WWOX: variants seen among roughly 807,000 people sequenced by gnomAD.
WWOX encodes the protein WW domain containing oxidoreductase.
Under a neutral mutation model 46.2 loss-of-function variants are expected in WWOX, and 69 were observed. The ratio of observed to expected loss-of-function variants is 1.49; its 90% CI spans 1.23 to 1.82. WWOX has a LOEUF of 1.82. Ranked by LOEUF, WWOX falls within the 40% of genes most tolerant of loss-of-function variation. The probability of loss-of-function intolerance (pLI) is 0.00; values close to 1 mark genes in which losing one functional copy is unlikely to be tolerated. For missense variants in WWOX, 919 were observed against 542.6 expected, an observed-to-expected ratio of 1.69 and a Z score of -6.89; for synonymous variants, 359 against 202.6, an observed-to-expected ratio of 1.77 and a Z score of -6.56.
chr16:78,765,650 G>C (rs1046013860), intron 8 of WWOX, among the ~76,000 whole-genome samples: 3 of 152,096 alleles, frequency 2.0e-5, no homozygotes, highest in Admixed American at 6.6e-5. Flanking sequence ...CTGCACTGCA[G>C]CTTGGGAAAC....
chr16:78,409,188 T>G (rs1424346065), intron 6 of WWOX, among the ~76,000 whole-genome samples: 1 of 152,186 alleles, frequency 6.6e-6, no homozygotes, highest in Non-Finnish European at 1.5e-5. Flanking sequence ...CAGAAAGTCC[T>G]ATTGGTTTAA....
intron 4 of WWOX, among the ~76,000 whole-genome samples, chr16:78,133,712 T>C (rs1040991949): frequency 6.6e-6 from 1 of 152,180 alleles, no homozygotes; most frequent in Admixed American, 6.5e-5. Context: ...AATTTCAAAT[T>C]AACCCCTGAG....
At chr16:78,829,449 T>A (rs114291108) in intron 8 of WWOX, among the ~76,000 whole-genome samples, 265 of 152,310 alleles carry the variant, frequency 1.7e-3, no homozygotes, top group African/African-American at 6.2e-3. Flanking sequence ...GTCTACTGAT[T>A]CAAAGGTTAG....
chr16:78,441,250 C>G (rs567282210), intron 8 of WWOX, among the ~76,000 whole-genome samples: 52 of 152,252 alleles, frequency 3.4e-4, no homozygotes, highest in Middle Eastern at 6.8e-3. Flanking sequence ...GTCTGTCCCC[C>G]CTTCTCTTGA....
intron 8 of WWOX, among the ~76,000 whole-genome samples, chr16:78,643,301 A>C (rs930113112): frequency 8.5e-5 from 13 of 152,218 alleles, no homozygotes; most frequent in African/African-American, 3.1e-4. Context: ...TATTTGGCTA[A>C]CGAAAACAAC....
chr16:78,893,147 CAG>C (rs2044627092), intron 8 of WWOX, among the ~76,000 whole-genome samples: 1 of 151,114 alleles, frequency 6.6e-6, no homozygotes, highest in Non-Finnish European at 1.5e-5. Flanking sequence ...TCCAGGCTGA[CAG>C]GGTCACAAAG....
At chr16:79,047,149 C>A (rs2048080653) in intron 8 of WWOX, among the ~76,000 whole-genome samples, 1 of 152,168 alleles carries the variant, frequency 6.6e-6, no homozygotes, top group Non-Finnish European at 1.5e-5. Context: ...TTTATTCTTT[C>A]ATTCAGTCAA....
chr16:79,105,235 T>A (rs1310166427), intron 8 of WWOX, among the ~76,000 whole-genome samples: 1 of 152,154 alleles, frequency 6.6e-6, no homozygotes, highest in Non-Finnish European at 1.5e-5. Flanking sequence ...CTGCTATTGT[T>A]TTGAATCATT....
At chr16:79,015,322 C>T (rs1039512859) in intron 8 of WWOX, among the ~76,000 whole-genome samples, 32 of 152,152 alleles carry the variant, frequency 2.1e-4, no homozygotes, top group African/African-American at 5.8e-4. Flanking sequence ...AACAGAATTC[C>T]AGTGCCACCA....
intron 5 of WWOX, among the ~76,000 whole-genome samples, chr16:78,241,465 G>T (rs1412517126): frequency 6.6e-6 from 1 of 151,978 alleles, no homozygotes; most frequent in Non-Finnish European, 1.5e-5. Context: ...TTTTACTCTT[G>T]TCACCCAGGC....
chr16:78,597,771 T>G (rs1202764499), intron 8 of WWOX, among the ~76,000 whole-genome samples: 1 of 147,532 alleles, frequency 6.8e-6, no homozygotes, highest in Non-Finnish European at 1.5e-5. Context: ...TATATATATA[T>G]ATATATATAA....
At chr16:78,676,362 G>C (rs901425177) in intron 8 of WWOX, among the ~76,000 whole-genome samples, 3 of 151,252 alleles carry the variant, frequency 2.0e-5, no homozygotes, top group African/African-American at 7.3e-5. Flanking sequence ...TGTCACTTAG[G>C]CCTTGGTAGC....
rs530040232 is a variant in WWOX at position 79,210,522 on chromosome 16, G to A, written c.1057-1086G>A. ...GTTCCTTAGTGTTTTCCTTGTGGGG[G>A]CGAGCTTATCTTCAGTTACCTTTTC... is the stretch of plus-strand genomic sequence containing the variant. On this transcript the variant is annotated intron_variant, in intron 8 of 8. Coordinates refer to ENST00000566780, the MANE Select transcript of WWOX (RefSeq NM_016373.4). 2.6e-5 allele frequency among the ~76,000 whole-genome samples: 4 copies of A among 152,216 alleles called. 1 individual carries two copies. Among genetic ancestry groups the A allele is most frequent in the African/African-American group, 9.6e-5 (4 of 41,530 alleles).
intron 5 of WWOX, among the ~76,000 whole-genome samples, chr16:78,180,481 G>A (rs2035496257): frequency 6.6e-6 from 1 of 151,982 alleles, no homozygotes; most frequent in Admixed American, 6.6e-5. Flanking sequence ...CCGAGATATG[G>A]GGTATACATG....
chr16:78,814,202 C>G (rs182675951), intron 8 of WWOX, among the ~76,000 whole-genome samples: 9 of 152,240 alleles, frequency 5.9e-5, no homozygotes, highest in East Asian at 3.9e-4. Context: ...ATTCTGTCTT[C>G]TAGAGAATTT....
chr16:78,377,983 A>G (rs1388909160), intron 5 of WWOX, among the ~76,000 whole-genome samples: 1 of 151,762 alleles, frequency 6.6e-6, no homozygotes, highest in South Asian at 2.1e-4. Context: ...ATGTTTGTGT[A>G]TTTTGGCAGG....
At chr16:78,827,305 A>C (rs149914602) in intron 8 of WWOX, among the ~76,000 whole-genome samples, 2 of 152,118 alleles carry the variant, frequency 1.3e-5, no homozygotes, top group Admixed American at 6.5e-5. Flanking sequence ...GATGACATCA[A>C]AGCACCATGT....
intron 8 of WWOX, among the ~76,000 whole-genome samples, chr16:78,881,178 T>C (rs1004730146): frequency 6.6e-6 from 1 of 151,784 alleles, no homozygotes; most frequent in Non-Finnish European, 1.5e-5. Context: ...GTTGTTGTAT[T>C]TTTTGGTACA....
chr16:78,323,583 G>A (rs548039108), intron 5 of WWOX, among the ~76,000 whole-genome samples: 1 of 152,268 alleles, frequency 6.6e-6, no homozygotes, highest in African/African-American at 2.4e-5. Context: ...GAACCCCACT[G>A]AGCTGTCCTC....
Sources: allele counts gnomAD v4.1 joint callset (sites outside exome capture counted in the v4.1 genomes callset), GRCh38; gene constraint gnomAD v4.1.1; transcripts MANE v1.5; gene names NCBI Gene and HGNC (gene_info 2026-07-23, HGNC 2026-07-21).